Variants in PDE4B observed in about 807,000 individuals in gnomAD.
PDE4B encodes phosphodiesterase 4B.
PDE4B carries 20 observed loss-of-function variants against 82.2 expected under a neutral mutation model. The ratio of observed to expected loss-of-function variants is 0.24; its 90% CI spans 0.17 to 0.35. The LOEUF is 0.35. PDE4B is among the 10% of genes least tolerant of loss of function. The probability of loss-of-function intolerance (pLI) is 1.00; values close to 1 mark genes in which losing one functional copy is unlikely to be tolerated. For synonymous variants in PDE4B, 320 were observed against 318.9 expected (o/e 1.00, Z -0.04); for missense variants, 655 against 907.2 (o/e 0.72, Z 3.57).
intron 8 of PDE4B, among the ~76,000 whole-genome samples, chr1:66,353,863 C>T (rs1038696988): frequency 7.9e-5 from 12 of 152,112 alleles, no homozygotes; most frequent in African/African-American, 2.9e-4. Flanking sequence ...ACCATTCTTT[C>T]AGTAAATGAA....
intron 3 of PDE4B, among the ~76,000 whole-genome samples, chr1:66,107,909 A>T (rs1048751037): frequency 1.3e-5 from 2 of 151,998 alleles, no homozygotes; most frequent in African/African-American, 4.8e-5. Context: ...AAACATTGTG[A>T]TGAAATTAGA....
At chr1:66,046,677 G>A (rs531042142) in intron 3 of PDE4B, among the ~76,000 whole-genome samples, 98 of 151,848 alleles carry the variant, frequency 6.5e-4, no homozygotes, top group Admixed American at 9.2e-4. Context: ...CTGAATTATC[G>A]GGAATTACAT....
chr1:66,210,480 C>T (rs140715003), intron 3 of PDE4B, among the ~76,000 whole-genome samples: 14 of 150,576 alleles, frequency 9.3e-5, no homozygotes, highest in East Asian at 7.8e-4. Flanking sequence ...CTTGTAGTCC[C>T]GGCTACTTGG....
chr1:66,322,438 G>A lies in PDE4B; in HGVS notation c.635-10070G>A, dbSNP rs190668844. ...CCCATCTGACAAAGGGCTAATATCC[G>A]GAATCTACAAAGAACTTAAACAAAT... On this transcript the variant is annotated intron_variant, in intron 7 of 16. Transcript: ENST00000341517. 5.5e-3 allele frequency among the ~76,000 whole-genome samples: 833 copies of A among 151,836 alleles called. 9 individuals are homozygous for A. Among genetic ancestry groups the A allele is most frequent in the Non-Finnish European group, 5.2e-3 (355 of 67,918 alleles).
At chr1:66,334,653 G>A (rs1660371667) in intron 8 of PDE4B, among the ~76,000 whole-genome samples, 2 of 152,354 alleles carry the variant, frequency 1.3e-5, no homozygotes, top group South Asian at 4.1e-4. Flanking sequence ...GGTTGTCAGG[G>A]AAAGCAATTA....
intron 3 of PDE4B, among the ~76,000 whole-genome samples, chr1:66,133,937 G>T (rs1646002856): frequency 1.3e-5 from 2 of 152,056 alleles, no homozygotes; most frequent in Admixed American, 6.6e-5. Context: ...TGGGAGACAA[G>T]TGAGCTCAGG....
At chr1:66,315,733 A>G (rs1658984841) in intron 7 of PDE4B, among the ~76,000 whole-genome samples, 1 of 152,146 alleles carries the variant, frequency 6.6e-6, no homozygotes, top group African/African-American at 2.4e-5. Flanking sequence ...GAAGGCAAGT[A>G]TTTATTAAAT....
intron 3 of PDE4B, among the ~76,000 whole-genome samples, chr1:66,188,828 A>G (rs1020411991): frequency 2.6e-5 from 4 of 152,160 alleles, no homozygotes; most frequent in African/African-American, 9.7e-5. Context: ...CATTTAGTCC[A>G]TTTACATTTA....
intron 1 of PDE4B, among the ~76,000 whole-genome samples, chr1:65,798,282 C>T (rs1645655332): frequency 3.1e-5 from 1 of 32,198 alleles, no homozygotes; most frequent in Non-Finnish European, 4.2e-5. Flanking sequence ...GACGGAGTCT[C>T]GCTCTGTCGC....
intron 1 of PDE4B, among the ~76,000 whole-genome samples, chr1:65,876,438 G>A (rs1340096074): frequency 2.0e-5 from 3 of 151,876 alleles, no homozygotes; most frequent in African/African-American, 4.8e-5. Flanking sequence ...CATATTACAT[G>A]TACATACATA....
intron 7 of PDE4B, among the ~76,000 whole-genome samples, chr1:66,271,191 T>A (rs1655447676): frequency 6.6e-6 from 1 of 152,268 alleles, no homozygotes; most frequent in South Asian, 2.1e-4. Context: ...GCAGATATTG[T>A]CAAATATAAC....
rs55768441 is a variant in PDE4B, at chr1:66,276,702, A to C, written c.634+10615A>C. Among the ~76,000 whole-genome samples the C allele has an allele frequency of 3.2e-3, 481 of 152,350 alleles. 3 individuals are homozygous for C. The highest frequency in any genetic ancestry group is 5.8e-3 in the Non-Finnish European group (393 of 68,036). On this transcript the variant is annotated intron_variant, in intron 7 of 16. Coordinates refer to ENST00000341517, the MANE Select transcript of PDE4B (RefSeq NM_002600.4). ...CTGTATACAAGGCACTGTGTTAGCC[A>C]CTGAGGATGCTGTGATGAAGAGAAT...
At chr1:65,808,698 C>G (rs1645784336) in intron 1 of PDE4B, among the ~76,000 whole-genome samples, 1 of 152,092 alleles carries the variant, frequency 6.6e-6, no homozygotes, top group Non-Finnish European at 1.5e-5. Flanking sequence ...TGGGACCTGA[C>G]AAGTGTCATG....
intron 3 of PDE4B, among the ~76,000 whole-genome samples, chr1:66,240,979 T>C (rs1652847738): frequency 6.6e-6 from 1 of 152,208 alleles, no homozygotes; most frequent in Admixed American, 6.5e-5. Context: ...TCTTCAGCAT[T>C]CCTGTGCTAC....
intron 3 of PDE4B, chr1:66,050,715 T>G (rs1196176806): frequency 6.6e-6 from 1 of 152,116 alleles, no homozygotes; most frequent in South Asian, 2.1e-4. Flanking sequence ...ATCCCTTCAG[T>G]TTTTCCTGTC....
At position 66,368,053 on chromosome 1, in the gene PDE4B, C is replaced by T. The variant is rs373028719; in HGVS notation, c.1650C>T (p.Thr550=). The change falls in exon 15 of 17, where the codon ACC becomes ACT. Residue 550 remains threonine (T), a synonymous_variant. Coordinates refer to ENST00000341517, the MANE Select transcript of PDE4B (RefSeq NM_002600.4). ...SSGVLLLDNY[T]DRIQVLRNMV... is the part of the protein sequence containing the mutation. ...GCGTTCTTCTCCTAGACAACTATAC[C>T]GATCGCATTCAGGTATTTGAGGAAA... 58 of 1,613,524 alleles carry T rather than the reference C, an allele frequency of 3.6e-5. No homozygotes were observed. The highest frequency in any genetic ancestry group is 7.7e-5 in the South Asian group (7 of 91,026).
At chr1:66,011,648 G>C (rs1652493801) in intron 3 of PDE4B, among the ~76,000 whole-genome samples, 1 of 152,032 alleles carries the variant, frequency 6.6e-6, no homozygotes, top group Non-Finnish European at 1.5e-5. Context: ...GCAAGTACAT[G>C]TTTTAAAAAA....
At chr1:66,201,954 G>T (rs1649002468) in intron 3 of PDE4B, among the ~76,000 whole-genome samples, 1 of 152,222 alleles carries the variant, frequency 6.6e-6, no homozygotes, top group East Asian at 1.9e-4. Context: ...GTCAATTTTA[G>T]ATCTTTCCTG....
intron 3 of PDE4B, among the ~76,000 whole-genome samples, chr1:66,032,235 A>G (rs1653816818): frequency 6.6e-6 from 1 of 152,260 alleles, no homozygotes. Context: ...GTGTCAGTTA[A>G]TAATCTCTTC....
Sources: allele counts gnomAD v4.1 joint callset (sites outside exome capture counted in the v4.1 genomes callset), GRCh38; gene constraint gnomAD v4.1.1; transcripts MANE v1.5; gene names NCBI Gene and HGNC (gene_info 2026-07-23, HGNC 2026-07-21).